RGS5: variants seen among roughly 807,000 people sequenced by gnomAD.
RGS5 encodes regulator of G protein signaling 5, also known as regulator of G-protein signalling 5.
RGS5 carries 20 observed loss-of-function variants against 18.9 expected under a neutral mutation model. The observed-to-expected ratio is 1.06, with a 90% confidence interval of 0.74 to 1.54. RGS5 has a LOEUF of 1.54. Ranked by LOEUF, RGS5 falls within the 40% of genes most tolerant of loss-of-function variation. The probability of loss-of-function intolerance (pLI) is 0.00; values close to 1 mark genes in which losing one functional copy is unlikely to be tolerated. For synonymous variants in RGS5, 57 were observed against 76.2 expected, an observed-to-expected ratio of 0.75 and a Z score of 1.31; for missense variants, 201 against 211.8, an observed-to-expected ratio of 0.95 and a Z score of 0.32.
chr1:163,212,993 T>G (rs1397633506), intron 1 of RGS5: 1 of 152,200 alleles, frequency 6.6e-6, no homozygotes, highest in Non-Finnish European at 1.5e-5. Flanking sequence ...CTTCCTAGAC[T>G]TCAATGAAAT....
chr1:163,273,471 G>T (rs12057284), intron 2 of RGS5, among the ~76,000 whole-genome samples: 3,450 of 152,002 alleles, frequency 0.023, 45 homozygotes, highest in African/African-American at 0.032. Flanking sequence ...TTATTTTTAT[G>T]AAATATTCTA....
At chr1:163,176,363 T>C (rs541481963) in intron 1 of RGS5, among the ~76,000 whole-genome samples, 1 of 152,352 alleles carries the variant, frequency 6.6e-6, no homozygotes, top group East Asian at 1.9e-4. Flanking sequence ...GGCCCACGCC[T>C]GTAATCCCAT....
chr1:163,255,060 A>G (rs1648233367), intron 2 of RGS5, among the ~76,000 whole-genome samples: 1 of 152,132 alleles, frequency 6.6e-6, no homozygotes, highest in Non-Finnish European at 1.5e-5. Context: ...GCCTTGTAGT[A>G]TAGTTTGAAG....
Position 163,198,386 on chromosome 1 carries a change from T to C in RGS5, c.44+4406A>G, listed in dbSNP as rs1309348734. 8.5e-5 allele frequency among the ~76,000 whole-genome samples: 13 copies of C among 152,132 alleles called. No homozygotes were observed. The East Asian group carries it at 2.3e-3, about 27-fold the overall frequency. ...CAGTCACCCAGAGTAGCAAAGGGCTTGTAGCTCTTTAAAATACTAATAACT... is the reference window on the plus strand; with the variant it reads ...CAGTCACCCAGAGTAGCAAAGGGCTCGTAGCTCTTTAAAATACTAATAACT... On this transcript the variant is annotated intron_variant, in intron 1 of 4. Coordinates refer to ENST00000313961, the MANE Select transcript of RGS5 (RefSeq NM_003617.4).
intron 2 of RGS5, among the ~76,000 whole-genome samples, chr1:163,281,052 G>C (rs1648978993): frequency 6.6e-6 from 1 of 152,060 alleles, no homozygotes; most frequent in Non-Finnish European, 1.5e-5. Context: ...TGCTGTCCTT[G>C]GAATAGTGAA....
At chr1:163,170,014 G>A (rs10917689) in intron 1 of RGS5, among the ~76,000 whole-genome samples, 9,714 of 152,098 alleles carry the variant, frequency 0.064, 456 homozygotes, top group South Asian at 0.14. Flanking sequence ...CTATTTTCAC[G>A]CTCAGTTTTA....
chr1:163,279,164 C>T (rs886532031), intron 2 of RGS5, among the ~76,000 whole-genome samples: 1 of 152,018 alleles, frequency 6.6e-6, no homozygotes, highest in Non-Finnish European at 1.5e-5. Context: ...CTACTATAGA[C>T]CAAATAAATT....
In RGS5 at chr1:163,285,607, T is replaced by G. The variant is rs192321668; in HGVS notation, c.-281+20626A>C. 2.2e-3 allele frequency among the ~76,000 whole-genome samples: 332 copies of G among 152,120 alleles called. 1 individual carries two copies. Among genetic ancestry groups the G allele is most frequent in the African/African-American group, 7.9e-3 (326 of 41,500 alleles). ...TATATAAAAATATATAAAAACATGG[T>G]TCAGCTCTGTGTCCCCACACAGATC... On this transcript the variant is annotated intron_variant, in intron 2 of 5. Coordinates refer to the RGS5 transcript ENST00000618415.
chr1:163,239,950 C>A (rs1647743166), intron 2 of RGS5, among the ~76,000 whole-genome samples: 1 of 152,036 alleles, frequency 6.6e-6, no homozygotes. Context: ...CAATGACTGT[C>A]TATGATGTGT....
intron 1 of RGS5, among the ~76,000 whole-genome samples, chr1:163,180,935 C>T (rs1658814515): frequency 6.6e-6 from 1 of 152,034 alleles, no homozygotes; most frequent in Admixed American, 6.6e-5. Context: ...ACCTCGTGAT[C>T]CTCCCGCCTC....
At chr1:163,265,589 C>T (rs557337204) in intron 2 of RGS5, among the ~76,000 whole-genome samples, 1 of 152,210 alleles carries the variant, frequency 6.6e-6, no homozygotes, top group Middle Eastern at 3.4e-3. Context: ...CCCTATATCT[C>T]TCCTTCCTTT....
intron 1 of RGS5, among the ~76,000 whole-genome samples, chr1:163,190,056 G>A (rs1379687838): frequency 6.6e-6 from 1 of 152,216 alleles, no homozygotes; most frequent in African/African-American, 2.4e-5. Context: ...TGACTGGGGA[G>A]TATTTCCCCT....
intron 1 of RGS5, among the ~76,000 whole-genome samples, chr1:163,185,102 T>C (rs1244070515): frequency 6.6e-6 from 1 of 152,168 alleles, no homozygotes; most frequent in Non-Finnish European, 1.5e-5. Context: ...CTCAGCCTTA[T>C]CTAATCTTCC....
chr1:163,175,501 G>C (rs1658509777), intron 1 of RGS5, among the ~76,000 whole-genome samples: 1 of 152,288 alleles, frequency 6.6e-6, no homozygotes, highest in South Asian at 2.1e-4. Flanking sequence ...AGTCGGCTCA[G>C]TTCTGGGGCT....
rs1648723385 is a variant in RGS5 at position 163,271,675 on chromosome 1, T to C, written c.-281+34558A>G. 2.6e-5 allele frequency among the ~76,000 whole-genome samples: 4 copies of C among 152,194 alleles called. 1 individual carries two copies. In the South Asian group the frequency reaches 8.3e-4, roughly 32 times the overall value. On this transcript the variant is annotated intron_variant, in intron 2 of 5. Transcript: ENST00000618415. ...TATTTTGTTGTTTGGACACACCACA[T>C]GTTAATCACTCACCAGTTGATGGAC...
At chr1:163,291,097 A>G (rs1649272240) in intron 2 of RGS5, among the ~76,000 whole-genome samples, 1 of 151,726 alleles carries the variant, frequency 6.6e-6, no homozygotes, top group Non-Finnish European at 1.5e-5. Context: ...ATTTCAGGGC[A>G]TCCATTCTAA....
intron 2 of RGS5, among the ~76,000 whole-genome samples, chr1:163,284,459 C>A (rs1219886039): frequency 2.0e-5 from 3 of 152,010 alleles, no homozygotes; most frequent in African/African-American, 7.3e-5. Flanking sequence ...ATTTAAATAT[C>A]TTTTTTTTCT....
At chr1:163,293,095 T>C (rs900386083) in intron 2 of RGS5, among the ~76,000 whole-genome samples, 2 of 152,210 alleles carry the variant, frequency 1.3e-5, no homozygotes, top group Non-Finnish European at 2.9e-5. Flanking sequence ...TTTGCCACTG[T>C]CTATGCCTGA....
chr1:163,262,105 C>CCAGTCTAT (rs978809355), intron 2 of RGS5, among the ~76,000 whole-genome samples: 1 of 150,410 alleles, frequency 6.6e-6, no homozygotes, highest in Non-Finnish European at 1.5e-5. Context: ...AATTGAGAAG[C>CCAGTCTAT]CAGTCTATGT....
Sources: gnomAD v4.1 joint callset for allele counts (sites outside exome capture counted in the v4.1 genomes callset) on GRCh38, gnomAD v4.1.1 for gene constraint, MANE v1.5 for transcripts, NCBI Gene and HGNC (gene_info 2026-07-23, HGNC 2026-07-21) for gene names.